The following RGPD3 variants were observed in gnomAD, a reference collection of about 807,000 sequenced individuals.
RGPD3 encodes RANBP2 like and GRIP domain containing 3.
A neutral mutation model predicts 154.5 loss-of-function variants in RGPD3; 62 were observed. That is an observed-to-expected ratio of 0.40 (90% CI 0.33 to 0.50). The LOEUF is 0.50. Among genes scored for constraint, RGPD3 ranks in the 20% least tolerant of loss-of-function variants. The probability of loss-of-function intolerance (pLI) is 0.59; values close to 1 mark genes in which losing one functional copy is unlikely to be tolerated. For synonymous variants in RGPD3, 308 were observed against 607.0 expected, an observed-to-expected ratio of 0.51 and a Z score of 7.24; for missense variants, 919 against 1,716.8, an observed-to-expected ratio of 0.54 and a Z score of 8.21.
chr2:106,422,792 C>A lies in RGPD3; in HGVS notation c.4924+251G>T, dbSNP rs1362730349. ...TTCAAGCATGAGTCCGTACACTGTA[C>A]CAAGTTCTTTTGCTCTGCCCTAGCA... On this transcript the variant is annotated intron_variant, in intron 20 of 22. Transcript: ENST00000409886. Among the ~76,000 whole-genome samples, 10 of 151,044 alleles carry A rather than the reference C, an allele frequency of 6.6e-5. No homozygotes were observed. The East Asian group carries it at 2.0e-3, about 30-fold the overall frequency.
At chr2:106,468,183 G>A (rs767049115) in intron 1 of RGPD3, 34 bp downstream of exon 1, 8 of 1,580,186 alleles carry the variant, frequency 5.1e-6, no homozygotes, top group South Asian at 3.5e-5. Context: ...GCCCGGCCAG[G>A]TCGAGGCCGT....
At chr2:106,405,261 A>G (rs1395114583) in intron 22 of RGPD3, 32 bp from the exon 23 acceptor site, 2 of 1,602,292 alleles carry the variant, frequency 1.2e-6, no homozygotes. Context: ...AAAAGAAAAA[A>G]GAGAGTATTA....
In RGPD3 at chr2:106,424,944, T is replaced by C. The variant is rs540941983; in HGVS notation, c.3023A>G (p.Tyr1008Cys). 1.6e-4 allele frequency: 264 copies of C among 1,611,816 alleles called. No homozygotes were observed. The African/African-American group carries it at 2.8e-3, about 17-fold the overall frequency. The change falls in exon 20 of 23, where the codon TAC becomes TGC. Residue 1008 changes from tyrosine (Y) to cysteine (C), a missense_variant. Physicochemically the swap from Tyr to Cys is radical, Grantham distance 194. Transcript: ENST00000409886. ...GTTTGCTTTATTGGCCATTTTACCG[T>C]ATTGTGATGAGAATAATTTTTCTCC... ...GAGEKLFSSQ[Y>C]GKMANKANTS...
At position 106,404,138 on chromosome 2, in the gene RGPD3, ACTAT is replaced by A. The variant is rs1047414070; in HGVS notation, c.*1077_*1080del. 5.9e-5 allele frequency among the ~76,000 whole-genome samples: 9 copies of A among 151,668 alleles called. No homozygotes were observed. The highest frequency in any genetic ancestry group is 2.6e-4 in the Admixed American group (4 of 15,246). ...CCTTCTGATGGAAAGCTTATGGAACACTATCTGCCAAAAACACTGAAAGCACCAC... is the reference window on the plus strand; with the variant it reads ...CCTTCTGATGGAAAGCTTATGGAACACTGCCAAAAACACTGAAAGCACCAC... On this transcript the variant is annotated 3_prime_UTR_variant, in exon 23 of 23. Coordinates refer to ENST00000409886, the MANE Select transcript of RGPD3 (RefSeq NM_001144013.2).
At chr2:106,459,679 T>G (rs1479695501) in intron 1 of RGPD3, among the ~76,000 whole-genome samples, 1 of 124,356 alleles carries the variant, frequency 8.0e-6, no homozygotes, top group Non-Finnish European at 1.7e-5. Flanking sequence ...TGATGGCGGG[T>G]GCCTGTAATC....
intron 22 of RGPD3, among the ~76,000 whole-genome samples, chr2:106,406,898 T>C (rs2104438730): frequency 6.6e-6 from 1 of 152,324 alleles, no homozygotes; most frequent in African/African-American, 2.4e-5. Context: ...GTTAAAGCCA[T>C]TTTATTTTTC....
At chr2:106,468,459 T>C (rs9308894), upstream of RGPD3, 3,757 of 1,328,588 alleles carry the variant, frequency 2.8e-3, 87 homozygotes, top group African/African-American at 0.045. Flanking sequence ...CGTTGGCGAC[T>C]TCGGCGCTCG....
At chr2:106,446,426 C>G (rs77357863) in intron 7 of RGPD3, among the ~76,000 whole-genome samples, 11,214 of 150,118 alleles carry the variant, frequency 0.075, 43 homozygotes, top group Admixed American at 0.12. Context: ...AAAAATTAGC[C>G]AGGTGTGGTG....
In RGPD3 at chr2:106,425,124, T is replaced by C. The variant is rs770290651; in HGVS notation, c.2843A>G (p.Gln948Arg). The C allele has an allele frequency of 1.9e-6, 3 of 1,612,016 alleles. No individual in the cohort carries two copies. The highest frequency in any genetic ancestry group is 3.3e-5 in the Admixed American group (2 of 59,998). Residue 948 changes from glutamine (Q) to arginine (R), a missense_variant, in exon 20 of 23, where the codon CAG becomes CGG. Physicochemically the swap from Gln to Arg is conservative, Grantham distance 43 (BLOSUM62 1). Transcript: ENST00000409886. ...CTTCCGGCCACTAATATCCTGAGCCTGTAAGCCAGTATCATTTTCAAGAGG... is the reference window on the plus strand; with the variant it reads ...CTTCCGGCCACTAATATCCTGAGCCCGTAAGCCAGTATCATTTTCAAGAGG... Reference protein sequence around the residue: ...EKPLENDTGLQAQDISGRKKG... With the variant: ...EKPLENDTGLRAQDISGRKKG...
chr2:106,412,278 TCTAA>T (rs372889237), intron 22 of RGPD3, among the ~76,000 whole-genome samples: 10,404 of 109,278 alleles, frequency 0.095, 211 homozygotes, highest in East Asian at 0.19. Context: ...GGAAACCAAC[TCTAA>T]CTACATCATA....
intron 1 of RGPD3, among the ~76,000 whole-genome samples, chr2:106,466,748 C>G (rs1245404654): frequency 2.5e-4 from 14 of 56,682 alleles, no homozygotes; most frequent in African/African-American, 8.7e-4. Flanking sequence ...CGCCAGGGAG[C>G]AGCGCCCGTC....
At chr2:106,416,400 C>T (rs2104448610) in intron 20 of RGPD3, among the ~76,000 whole-genome samples, 1 of 102,102 alleles carries the variant, frequency 9.8e-6, no homozygotes, top group East Asian at 3.7e-4. Flanking sequence ...GGGTAGGTAT[C>T]ATTATTCAAA....
chr2:106,451,155 G>C (rs542798334), intron 6 of RGPD3, among the ~76,000 whole-genome samples: 1,565 of 148,472 alleles, frequency 0.011, 2 homozygotes, highest in African/African-American at 0.038. Flanking sequence ...AAACATCTTT[G>C]ATGTCCTTAA....
intron 1 of RGPD3, among the ~76,000 whole-genome samples, chr2:106,467,967 C>A (rs1485921904): frequency 4.9e-5 from 6 of 122,126 alleles, no homozygotes; most frequent in Admixed American, 4.0e-4. Flanking sequence ...CCATCGAGGC[C>A]GCCGCAGGGC....
At chr2:106,466,357 GGCC>G (rs1678589422) in intron 1 of RGPD3, among the ~76,000 whole-genome samples, 2 of 149,994 alleles carry the variant, frequency 1.3e-5, no homozygotes, top group African/African-American at 4.9e-5. Flanking sequence ...GAGCCATCGA[GGCC>G]GCCGCCGGGC....
At position 106,424,161 on chromosome 2, in the gene RGPD3, T is replaced by G. The variant is rs574335206; in HGVS notation, c.3806A>C (p.His1269Pro). The G allele has an allele frequency of 1.2e-6, 2 of 1,611,182 alleles. No homozygotes were observed. The highest frequency in any genetic ancestry group is 1.3e-5 in the African/African-American group (1 of 74,746). Residue 1269 changes from histidine to proline, a missense_variant, in exon 20 of 23, where the codon CAT (histidine) becomes CCT (proline). His to Pro is a moderately conservative substitution (Grantham distance 77). Coordinates refer to ENST00000409886, the MANE Select transcript of RGPD3 (RefSeq NM_001144013.2). ...LDDSVSSSSV[H>P]ASPLASSPVR... ...AGGGCTACTTGCCAATGGAGAAGCATGTACTGAGCTACTACTGACACTATC... is the reference window on the plus strand; with the variant it reads ...AGGGCTACTTGCCAATGGAGAAGCAGGTACTGAGCTACTACTGACACTATC...
At chr2:106,411,372 G>C (rs1375026103) in intron 22 of RGPD3, among the ~76,000 whole-genome samples, 1 of 135,786 alleles carries the variant, frequency 7.4e-6, no homozygotes, top group African/African-American at 2.7e-5. Flanking sequence ...CCACCTAATT[G>C]CACCTGGATC....
intron 20 of RGPD3, among the ~76,000 whole-genome samples, chr2:106,420,178 G>A (rs2104452009): frequency 7.2e-6 from 1 of 139,458 alleles, no homozygotes; most frequent in Admixed American, 8.1e-5. Flanking sequence ...GCCAAGAATG[G>A]AAGGTGACTA....
intron 7 of RGPD3, among the ~76,000 whole-genome samples, chr2:106,446,883 A>C (rs1677955836): frequency 6.7e-6 from 1 of 150,288 alleles, no homozygotes; most frequent in Non-Finnish European, 1.5e-5. Flanking sequence ...TTGGTCTCAA[A>C]AAAAATAAAA....
Sources: gnomAD v4.1 joint callset for allele counts (sites outside exome capture counted in the v4.1 genomes callset) on GRCh38, gnomAD v4.1.1 for gene constraint, MANE v1.5 for transcripts, NCBI Gene and HGNC (gene_info 2026-07-23, HGNC 2026-07-21) for gene names.